The following TDRD3 variants were observed in gnomAD, a reference collection of about 807,000 sequenced individuals.
TDRD3 encodes tudor domain-containing protein 3.
A neutral mutation model predicts 86.7 loss-of-function variants in TDRD3; 45 were observed. That is an observed-to-expected ratio of 0.52 (90% confidence interval 0.41 to 0.67). TDRD3 has a LOEUF of 0.67. Ranked by LOEUF, TDRD3 falls within the 30% of genes least tolerant of loss-of-function variation. The pLI is 0.00. For synonymous variants in TDRD3, 298 were observed against 301.7 expected (o/e 0.99, Z 0.13); for missense variants, 814 against 889.0 (o/e 0.92, Z 1.07).
At chr13:60,457,680 A>C (rs1246647748) in intron 3 of TDRD3, among the ~76,000 whole-genome samples, 1 of 152,190 alleles carries the variant, frequency 6.6e-6, no homozygotes, top group Non-Finnish European at 1.5e-5. Context: ...ATTTTCTCAC[A>C]GTTTTGTAGG....
chr13:60,442,442 A>T (rs573166048), intron 2 of TDRD3, among the ~76,000 whole-genome samples: 6 of 151,886 alleles, frequency 4.0e-5, no homozygotes, highest in African/African-American at 7.2e-5. Flanking sequence ...TGCTTTGAAA[A>T]TTATTTTTAA....
At chr13:60,440,180 G>T (rs1043451514) in intron 2 of TDRD3, among the ~76,000 whole-genome samples, 1 of 152,078 alleles carries the variant, frequency 6.6e-6, no homozygotes, top group Admixed American at 6.5e-5. Context: ...TTTTCATGAT[G>T]ATAGAAATAA....
intron 12 of TDRD3, among the ~76,000 whole-genome samples, chr13:60,553,566 AAG>A (rs1490223178): frequency 4.1e-5 from 6 of 146,408 alleles, no homozygotes; most frequent in African/African-American, 1.4e-4. Context: ...AAAAAAAAAA[AAG>A]AGGTTTAATT....
Position 60,524,309 on chromosome 13 carries a change from C to A in TDRD3, c.1142-4058C>A, listed in dbSNP as rs184234258. ...ATCACTTGAGGTCAGGAGTTTGAGACCAGCCTGGCCAATATGGTGAAACCC... is the reference window on the plus strand; with the variant it reads ...ATCACTTGAGGTCAGGAGTTTGAGAACAGCCTGGCCAATATGGTGAAACCC... On this transcript the variant is annotated intron_variant, in intron 10 of 13. Transcript: ENST00000377881. 2.6e-5 allele frequency among the ~76,000 whole-genome samples: 4 copies of A among 152,092 alleles called. No homozygotes were observed. The East Asian group carries it at 7.7e-4, about 29-fold the overall frequency.
chr13:60,540,842 T>C (rs933273934), intron 12 of TDRD3, among the ~76,000 whole-genome samples: 7 of 152,166 alleles, frequency 4.6e-5, no homozygotes, highest in Non-Finnish European at 8.8e-5. Flanking sequence ...AAATATAGAT[T>C]ATGTTATTAT....
At chr13:60,408,312 T>A (rs921292751) in intron 1 of TDRD3, among the ~76,000 whole-genome samples, 1 of 152,142 alleles carries the variant, frequency 6.6e-6, no homozygotes, top group East Asian at 1.9e-4. Context: ...AGAACTAATA[T>A]AGTAAATTAG....
intron 13 of TDRD3, among the ~76,000 whole-genome samples, chr13:60,571,955 A>G (rs191458149): frequency 6.6e-6 from 1 of 152,348 alleles, no homozygotes; most frequent in African/African-American, 2.4e-5. Context: ...CCAAAACTCC[A>G]AACTTCTAGT....
At chr13:60,484,197 G>A (rs888250426) in intron 6 of TDRD3, among the ~76,000 whole-genome samples, 3 of 151,982 alleles carry the variant, frequency 2.0e-5, no homozygotes, top group Non-Finnish European at 4.4e-5. Context: ...AAACATTAGA[G>A]GGGGAGAGAA....
chr13:60,546,105 T>C lies in TDRD3; in HGVS notation c.2118+10872T>C, dbSNP rs935513055. 3.4e-4 allele frequency among the ~76,000 whole-genome samples: 51 copies of C among 152,158 alleles called. 1 individual carries two copies. Among genetic ancestry groups the C allele is most frequent in the African/African-American group, 1.2e-3 (50 of 41,460 alleles). ...AGCCTCTAAAAGCTTTGGGCACAAA[T>C]ACATTGACATACCTGGTTGATCTTT... On this transcript the variant is annotated intron_variant, in intron 12 of 13. Coordinates refer to ENST00000377881, the MANE Select transcript of TDRD3 (RefSeq NM_001146070.2).
chr13:60,515,952 A>G (rs1296645508), intron 10 of TDRD3, among the ~76,000 whole-genome samples: 1 of 152,232 alleles, frequency 6.6e-6, no homozygotes, highest in Non-Finnish European at 1.5e-5. Flanking sequence ...TAACATCTTC[A>G]TAATGTTTAA....
chr13:60,449,176 G>T (rs1014620729), intron 3 of TDRD3, among the ~76,000 whole-genome samples: 3 of 151,928 alleles, frequency 2.0e-5, no homozygotes, highest in African/African-American at 7.2e-5. Flanking sequence ...TTTTTAAAAA[G>T]AAAAGGAATT....
At position 60,527,843 on chromosome 13, in the gene TDRD3, A is replaced by G. The variant is rs1001848524; in HGVS notation, c.1142-524A>G. 4.8e-5 allele frequency among the ~76,000 whole-genome samples: 7 copies of G among 147,244 alleles called. No homozygotes were observed. The East Asian group carries it at 7.8e-4, about 16-fold the overall frequency. On this transcript the variant is annotated intron_variant, in intron 10 of 13. Transcript: ENST00000377881. Reference sequence around the variant, plus strand: ...CTATTTGTAACATAAACTCTTTTTTATAGTAGGATATCTGTTTGTAACGTA... The same window carrying G: ...CTATTTGTAACATAAACTCTTTTTTGTAGTAGGATATCTGTTTGTAACGTA...
At chr13:60,490,230 C>G (rs908411919) in intron 7 of TDRD3, among the ~76,000 whole-genome samples, 1 of 152,006 alleles carries the variant, frequency 6.6e-6, no homozygotes, top group Non-Finnish European at 1.5e-5. Context: ...TATAAGCATA[C>G]TAAATAAGCA....
At position 60,397,224 on chromosome 13, in the gene TDRD3, A is replaced by C; in HGVS notation, c.-141A>C. ...GCACGCGGAAGCGCCGGCCGCACTG[A>C]GCATGCCCAGTTGCAGAGCCGACCA... On this transcript the variant is annotated 5_prime_UTR_variant, in exon 1 of 14. Coordinates refer to ENST00000377881, the MANE Select transcript of TDRD3 (RefSeq NM_001146070.2). 2 of 455,856 alleles carry C rather than the reference A, an allele frequency of 4.4e-6. No individual in the cohort carries two copies. The highest frequency in any genetic ancestry group is 7.4e-6 in the Non-Finnish European group (2 of 270,174). The allele number at this position is 455,856 out of a possible 1,614,324, so 28.2% of individuals were successfully genotyped here. A position where few individuals can be genotyped will look rare whatever the true frequency, so the allele number is the denominator to read the frequency against.
At chr13:60,475,923 T>C (rs1433790690) in intron 5 of TDRD3, among the ~76,000 whole-genome samples, 1 of 152,228 alleles carries the variant, frequency 6.6e-6, no homozygotes, top group Admixed American at 6.5e-5. Flanking sequence ...AAATTCCTTA[T>C]AGATTCGGGA....
rs118129722 is a variant in TDRD3, at chr13:60,444,729, A to G, written c.173A>G (p.Asn58Ser). The G allele has an allele frequency of 2.8e-4, 424 of 1,494,292 alleles. 3 individuals carry two copies. The East Asian group carries it at 0.01, about 36-fold the overall frequency. 92.6% of individuals were successfully genotyped at this position (1,494,292 alleles called of 1,614,324 possible). The change falls in exon 3 of 14, where the codon AAT becomes AGT. Residue 58 changes from asparagine to serine, a missense_variant. Coordinates refer to ENST00000377881, the MANE Select transcript of TDRD3 (RefSeq NM_001146070.2). ...AAGAAATTCCTCCCCAGTGACATCA[A>G]TAGTGGAAAGGTAGAAAAGGTAAAG... ...IGKKFLPSDI[N>S]SGKVEKLEGP...
chr13:60,480,623 T>C (rs1333534550), intron 5 of TDRD3, among the ~76,000 whole-genome samples: 2 of 152,230 alleles, frequency 1.3e-5, no homozygotes, highest in Non-Finnish European at 2.9e-5. Flanking sequence ...TTCTGGAATG[T>C]CAGAGTTGTA....
chr13:60,440,999 A>G (rs764284281), intron 2 of TDRD3, among the ~76,000 whole-genome samples: 1 of 152,178 alleles, frequency 6.6e-6, no homozygotes. Context: ...TCCTACACTG[A>G]GTCATCTTTT....
At chr13:60,465,399 C>A (rs1270588521) in intron 4 of TDRD3, among the ~76,000 whole-genome samples, 1 of 152,130 alleles carries the variant, frequency 6.6e-6, no homozygotes, top group Non-Finnish European at 1.5e-5. Flanking sequence ...TGATCTTGAA[C>A]GGTAATAGAT....
Sources: allele counts gnomAD v4.1 joint callset (sites outside exome capture counted in the v4.1 genomes callset), GRCh38; gene constraint gnomAD v4.1.1; transcripts MANE v1.5; gene names NCBI Gene and HGNC (gene_info 2026-07-23, HGNC 2026-07-21).